Variants in RAB38 observed in about 807,000 individuals in gnomAD.
The protein encoded by RAB38 is RAB38, member RAS oncogene family.
In RAB38, 15 loss-of-function variants were observed where a neutral mutation model predicts 18.4. That is an observed-to-expected ratio of 0.82 (90% CI 0.55 to 1.26). The LOEUF is 1.26. Ranked by LOEUF, RAB38 falls within the 50% of genes most tolerant of loss-of-function variation. The probability of loss-of-function intolerance (pLI) is 0.00; values close to 1 mark genes in which losing one functional copy is unlikely to be tolerated. For missense variants in RAB38, 294 were observed against 267.4 expected, an observed-to-expected ratio of 1.10 and a Z score of -0.69; for synonymous variants, 101 against 104.4, an observed-to-expected ratio of 0.97 and a Z score of 0.20.
the RAB38 span, among the ~76,000 whole-genome samples, chr11:88,033,750 T>C: frequency 2.6e-5 from 3 of 114,286 alleles, no homozygotes; most frequent in Non-Finnish European, 5.3e-5. Flanking sequence ...TTTTTTGAGA[T>C]GGAGTCTCGC....
the RAB38 span, among the ~76,000 whole-genome samples, chr11:87,852,997 C>T: frequency 6.6e-6 from 1 of 152,128 alleles, no homozygotes; most frequent in Admixed American, 6.6e-5. Context: ...TGGGATGCCT[C>T]CTAACAAAAA....
chr11:88,069,388 A>T, the RAB38 span, among the ~76,000 whole-genome samples: 5 of 152,342 alleles, frequency 3.3e-5, no homozygotes, highest in Admixed American at 3.3e-4. Context: ...ACCCCTGCTC[A>T]GTGGTGCCCA....
chr11:87,938,803 A>G, the RAB38 span, among the ~76,000 whole-genome samples: 1 of 151,548 alleles, frequency 6.6e-6, no homozygotes, highest in Non-Finnish European at 1.5e-5. Flanking sequence ...ATAATTCACC[A>G]CTTTGTAGCT....
the RAB38 span, among the ~76,000 whole-genome samples, chr11:87,919,576 G>T: frequency 6.6e-6 from 1 of 151,556 alleles, no homozygotes; most frequent in African/African-American, 2.4e-5. Flanking sequence ...TCCTTGTGGT[G>T]TCCTTGTCTG....
At chr11:87,899,638 A>C in the RAB38 span, among the ~76,000 whole-genome samples, 1 of 151,572 alleles carries the variant, frequency 6.6e-6, no homozygotes, top group Non-Finnish European at 1.5e-5. Context: ...CAATGTCCTA[A>C]AGATAGAAAT....
the RAB38 span, among the ~76,000 whole-genome samples, chr11:88,036,998 A>G: frequency 6.6e-6 from 1 of 152,100 alleles, no homozygotes; most frequent in African/African-American, 2.4e-5. Flanking sequence ...TATTACATTT[A>G]TTTCAAACTT....
At chr11:87,948,514 A>G in the RAB38 span, among the ~76,000 whole-genome samples, 1 of 151,924 alleles carries the variant, frequency 6.6e-6, no homozygotes, top group Admixed American at 6.6e-5. Context: ...CCCATTCAGT[A>G]TGATATTGGC....
the RAB38 span, among the ~76,000 whole-genome samples, chr11:88,072,297 C>T: frequency 6.6e-6 from 1 of 152,156 alleles, no homozygotes; most frequent in Non-Finnish European, 1.5e-5. Flanking sequence ...GCAGACTGGA[C>T]ACAGCCGAGG....
At chr11:87,894,348 C>T in the RAB38 span, among the ~76,000 whole-genome samples, 1 of 151,488 alleles carries the variant, frequency 6.6e-6, no homozygotes, top group Non-Finnish European at 1.5e-5. Context: ...TGTTAGACAG[C>T]CAGAAACAAT....
At chr11:88,042,738 G>A in the RAB38 span, among the ~76,000 whole-genome samples, 83 of 152,150 alleles carry the variant, frequency 5.5e-4, no homozygotes, top group Non-Finnish European at 8.2e-4. Context: ...GAGACCTCAT[G>A]GGAAGCTTTG....
At chr11:88,011,602 A>G in the RAB38 span, among the ~76,000 whole-genome samples, 4 of 152,228 alleles carry the variant, frequency 2.6e-5, no homozygotes, top group Non-Finnish European at 5.9e-5. Flanking sequence ...AAAATTAAAA[A>G]GAGTAAATAA....
chr11:87,888,751 A>G, the RAB38 span, among the ~76,000 whole-genome samples: 2 of 151,962 alleles, frequency 1.3e-5, no homozygotes, highest in African/African-American at 2.4e-5. Flanking sequence ...TGTGGTTTAC[A>G]TCAAGGATTA....
intron 1 of RAB38, among the ~76,000 whole-genome samples, chr11:88,161,515 C>A (rs1361783448): frequency 6.6e-6 from 1 of 152,024 alleles, no homozygotes; most frequent in Non-Finnish European, 1.5e-5. Flanking sequence ...CACTGAAAAT[C>A]CTGGAGAGCA....
the RAB38 span, among the ~76,000 whole-genome samples, chr11:87,973,633 G>A: frequency 7.0e-6 from 1 of 142,852 alleles, no homozygotes; most frequent in Non-Finnish European, 1.6e-5. Context: ...GGACAAAGCT[G>A]CAGTGTGGAG....
At chr11:88,056,828 AATAAATAC>A in the RAB38 span, among the ~76,000 whole-genome samples, 8 of 148,756 alleles carry the variant, frequency 5.4e-5, no homozygotes, top group African/African-American at 1.2e-4. Context: ...TAAATAAATA[AATAAATAC>A]ATACATACAT....
the RAB38 span, among the ~76,000 whole-genome samples, chr11:87,900,226 G>A: frequency 6.6e-6 from 1 of 151,634 alleles, no homozygotes; most frequent in East Asian, 2.0e-4. Context: ...TTATCAGGAA[G>A]ATCAGAGATG....
chr11:87,954,358 C>T, the RAB38 span, among the ~76,000 whole-genome samples: 1 of 152,116 alleles, frequency 6.6e-6, no homozygotes, highest in Non-Finnish European at 1.5e-5. Context: ...CTGTCTCTCC[C>T]TTGAGTTTGG....
chr11:88,116,254 G>C (rs1942551316), intron 2 of RAB38, among the ~76,000 whole-genome samples: 1 of 152,106 alleles, frequency 6.6e-6, no homozygotes, highest in Admixed American at 6.5e-5. Flanking sequence ...CCCCTACTGT[G>C]TCCCATTCAG....
At chr11:88,167,789 A>G (rs560777855) in intron 1 of RAB38, 19 of 152,268 alleles carry the variant, frequency 1.2e-4, no homozygotes, top group Admixed American at 1.2e-3. Flanking sequence ...CTCAGACTTG[A>G]CCTTGCCAAG....
Sources: allele counts gnomAD v4.1 joint callset (sites outside exome capture counted in the v4.1 genomes callset), GRCh38; gene constraint gnomAD v4.1.1; transcripts MANE v1.5; gene names NCBI Gene and HGNC (gene_info 2026-07-23, HGNC 2026-07-21).